The following MTCL1 variants were observed in gnomAD, a reference collection of about 807,000 sequenced individuals.
MTCL1 encodes microtubule cross-linking factor 1.
In MTCL1, 79 loss-of-function variants were observed where a neutral mutation model predicts 141.4. The observed-to-expected ratio is 0.56, with a 90% CI of 0.47 to 0.67. MTCL1 has a LOEUF of 0.67. Among genes scored for constraint, MTCL1 ranks in the 30% least tolerant of loss-of-function variants. The pLI, the probability that MTCL1 is intolerant of heterozygous loss-of-function variation, is 0.00. For missense variants in MTCL1, 2,177 were observed against 2,113.9 expected (o/e 1.03, Z -0.59); for synonymous variants, 914 against 875.8 (o/e 1.04, Z -0.77).
rs145207667 is a variant in MTCL1, at chr18:8,762,445, A to G, written c.358-15388A>G. Among the ~76,000 whole-genome samples the G allele has an allele frequency of 2.2e-4, 33 of 152,392 alleles. 1 individual carries two copies. The East Asian group carries it at 6.2e-3, about 28-fold the overall frequency. The stretch of plus-strand genomic sequence containing the variant: ...TCAGCCCAAACATTATTCAATGTTC[A>G]GGATTGATTAAGGAGAGCAACCCTT... On this transcript the variant is annotated intron_variant, in intron 4 of 16. Coordinates refer to ENST00000359865, the Ensembl canonical transcript of MTCL1.
At chr18:8,761,263 G>A (rs1479350208) in intron 4 of MTCL1, among the ~76,000 whole-genome samples, 2 of 152,204 alleles carry the variant, frequency 1.3e-5, no homozygotes, top group African/African-American at 4.8e-5. Flanking sequence ...GCCAGGTTGA[G>A]TCACATGTAG....
In MTCL1 at chr18:8,819,057, G is replaced by T. The variant is rs184402453; in HGVS notation, c.2954G>T (p.Arg985Leu). The T allele has an allele frequency of 3.1e-6, 5 of 1,614,130 alleles. No individual in the cohort carries two copies. The African/African-American group carries it at 4.0e-5, about 13-fold the overall frequency. Reference sequence around the variant, plus strand: ...CCCTTTCCCCACCAGGGAAGCCTCCGCATGCCCCGTCCAGTGGCCATGTGG... The same window carrying T: ...CCCTTTCCCCACCAGGGAAGCCTCCTCATGCCCCGTCCAGTGGCCATGTGG... The change falls in exon 13 of 17, where the codon CGC (arginine) becomes CTC (leucine). Residue 985 changes from arginine (R) to leucine (L), a missense_variant. By Grantham distance (102) the Arg-to-Leu change is moderately radical. Transcript: ENST00000359865.
At chr18:8,784,778 G>A (rs998219193) in exon 6 of MTCL1, 1 of 1,613,676 alleles carries the variant, frequency 6.2e-7, no homozygotes, top group Non-Finnish European at 8.5e-7. Context: ...CCTCTCCACT[G>A]TGACTTCCGT....
chr18:8,793,031 G>A (rs1488164750), exon 8 of MTCL1: 4 of 1,614,040 alleles, frequency 2.5e-6, no homozygotes, highest in Middle Eastern at 1.6e-4. Context: ...TGAGCAGAGT[G>A]TATCCATAGA....
At chr18:8,734,571 C>T (rs1281999018) in intron 4 of MTCL1, among the ~76,000 whole-genome samples, 1 of 152,118 alleles carries the variant, frequency 6.6e-6, no homozygotes, top group Non-Finnish European at 1.5e-5. Context: ...TTTTGCAAAA[C>T]ACCCTTTTAA....
chr18:8,734,998 G>A (rs1045915274), intron 4 of MTCL1, among the ~76,000 whole-genome samples: 1 of 152,216 alleles, frequency 6.6e-6, no homozygotes, highest in Non-Finnish European at 1.5e-5. Flanking sequence ...CCAAACTGGC[G>A]TTTTGTGAAC....
At chr18:8,753,597 CAG>C (rs775744511) in intron 4 of MTCL1, among the ~76,000 whole-genome samples, 2 of 152,202 alleles carry the variant, frequency 1.3e-5, no homozygotes, top group African/African-American at 2.4e-5. Context: ...CTGGTGACAT[CAG>C]AGAGCCCCTG....
intron 4 of MTCL1, among the ~76,000 whole-genome samples, chr18:8,744,195 T>C (rs1276927754): frequency 6.6e-6 from 1 of 152,248 alleles, no homozygotes; most frequent in East Asian, 1.9e-4. Context: ...CCGGGCCCAC[T>C]GGCACCCTTT....
chr18:8,766,627 C>T (rs1235283374), intron 4 of MTCL1, among the ~76,000 whole-genome samples: 2 of 152,224 alleles, frequency 1.3e-5, no homozygotes, highest in Admixed American at 1.3e-4. Context: ...TCATTCCAGA[C>T]AGCACCAGAG....
At chr18:8,788,615 G>A (rs1198124079) in intron 7 of MTCL1, among the ~76,000 whole-genome samples, 1 of 152,176 alleles carries the variant, frequency 6.6e-6, no homozygotes, top group African/African-American at 2.4e-5. Flanking sequence ...ACGCTAAAGA[G>A]GAGAAAAAGA....
At chr18:8,734,328 T>C (rs2096265697) in intron 4 of MTCL1, among the ~76,000 whole-genome samples, 1 of 152,180 alleles carries the variant, frequency 6.6e-6, no homozygotes, top group South Asian at 2.1e-4. Context: ...TCAACTGTCT[T>C]GAAGGATTTG....
chr18:8,796,895 A>G lies in MTCL1; in HGVS notation c.2241+433A>G, dbSNP rs538355883. On this transcript the variant is annotated intron_variant, in intron 9 of 16. Transcript: ENST00000359865. ...CTACTCTTTCTTTTTTTATTTGTAC[A>G]TATTCATGGGATACAATTGCAGTTT... Among the ~76,000 whole-genome samples the G allele has an allele frequency of 2.6e-5, 4 of 152,270 alleles. No individual in the cohort carries two copies. In the East Asian group the frequency reaches 7.7e-4, roughly 29 times the overall value.
At chr18:8,764,583 G>A (rs895459147) in intron 4 of MTCL1, among the ~76,000 whole-genome samples, 35 of 152,256 alleles carry the variant, frequency 2.3e-4, no homozygotes, top group Admixed American at 5.9e-4. Flanking sequence ...CTCTCAAAGT[G>A]CTGGGATTAC....
At chr18:8,781,200 A>T (rs2096531485) in intron 5 of MTCL1, among the ~76,000 whole-genome samples, 1 of 151,610 alleles carries the variant, frequency 6.6e-6, no homozygotes, top group African/African-American at 2.4e-5. Flanking sequence ...AAAAAAAAAA[A>T]AAAAAGAATG....
intron 4 of MTCL1, among the ~76,000 whole-genome samples, chr18:8,725,790 C>CTTTTTTTTT (rs796484848): frequency 4.9e-5 from 3 of 61,070 alleles, no homozygotes; most frequent in Non-Finnish European, 8.3e-5. Flanking sequence ...TTTTTTTTTT[C>CTTTTTTTTT]TTTTTTTTTT....
intron 11 of MTCL1, among the ~76,000 whole-genome samples, chr18:8,807,967 A>C (rs2144136792): frequency 6.6e-6 from 1 of 151,860 alleles, no homozygotes; most frequent in Non-Finnish European, 1.5e-5. Flanking sequence ...GACCCCTGTC[A>C]CATGGTCTTG....
At chr18:8,800,167 G>T (rs527797276) in intron 10 of MTCL1, among the ~76,000 whole-genome samples, 1 of 152,334 alleles carries the variant, frequency 6.6e-6, no homozygotes, top group South Asian at 2.1e-4. Flanking sequence ...TAGAGGATTT[G>T]CCTCTCTGTG....
At chr18:8,714,906 T>C (rs868470107), upstream of MTCL1, among the ~76,000 whole-genome samples, 46 of 152,118 alleles carry the variant, frequency 3.0e-4, no homozygotes, top group East Asian at 7.7e-4. Flanking sequence ...ACGCCATTCT[T>C]CTGCCTCAGC....
rs748570180 is a variant in MTCL1, at chr18:8,825,242, G to A, written c.3732G>A (p.Arg1244=). The A allele has an allele frequency of 1.4e-5, 22 of 1,595,468 alleles. No homozygotes were observed. The East Asian group carries it at 1.6e-4, about 11-fold the overall frequency. ...GCAGGTGGCCTTGCACCTCCCCCAGGCACTCCCGGGACTATGTGGAGGGGG... is the reference window on the plus strand; with the variant it reads ...GCAGGTGGCCTTGCACCTCCCCCAGACACTCCCGGGACTATGTGGAGGGGG... Residue 1244 remains arginine, a synonymous_variant, in exon 15 of 17, where the codon AGG becomes AGA. Transcript: ENST00000359865.
Sources: allele counts gnomAD v4.1 joint callset (sites outside exome capture counted in the v4.1 genomes callset), GRCh38; gene constraint gnomAD v4.1.1; transcripts MANE v1.5; gene names NCBI Gene and HGNC (gene_info 2026-07-23, HGNC 2026-07-21).